The following FCRL6 variants were observed in gnomAD, a reference collection of about 807,000 sequenced individuals.
The protein encoded by FCRL6 is Fc receptor-like protein 6.
In FCRL6, 50 loss-of-function variants were observed where a neutral mutation model predicts 49.1. The observed-to-expected ratio is 1.02, with a 90% CI of 0.81 to 1.29. FCRL6 has a LOEUF of 1.29. Among genes scored for constraint, FCRL6 ranks in the 50% most tolerant of loss-of-function variants. The pLI, the probability that FCRL6 is intolerant of heterozygous loss-of-function variation, is 0.00. For missense variants in FCRL6, 571 were observed against 518.5 expected, an observed-to-expected ratio of 1.10 and a Z score of -0.98; for synonymous variants, 213 against 199.6, an observed-to-expected ratio of 1.07 and a Z score of -0.57.
chr1:159,808,232 C>G lies in FCRL6; in HGVS notation c.107C>G (p.Thr36Ser). 2 of 1,614,136 alleles carry G rather than the reference C, an allele frequency of 1.2e-6. No individual in the cohort carries two copies. The highest frequency in any genetic ancestry group is 2.2e-5 in the East Asian group (1 of 44,872). The change falls in exon 3 of 10, where the codon ACT becomes AGT. Residue 36 changes from threonine (T) to serine (S), a missense_variant. Physicochemically the swap from Thr to Ser is moderately conservative, Grantham distance 58 (BLOSUM62 1). Coordinates refer to ENST00000368106, the MANE Select transcript of FCRL6 (RefSeq NM_001004310.3). Reference sequence around the variant, plus strand: ...CCTGTGTTTGAAGGAGATGCCCTGACTCTGCGATGTCAGGGATGGAAGAAT... The same window carrying G: ...CCTGTGTTTGAAGGAGATGCCCTGAGTCTGCGATGTCAGGGATGGAAGAAT... Reference protein sequence around the residue: ...PNPVFEGDALTLRCQGWKNTP... With the variant: ...PNPVFEGDALSLRCQGWKNTP...
chr1:159,807,857 C>T (rs1662798704), intron 2 of FCRL6, among the ~76,000 whole-genome samples: 1 of 139,988 alleles, frequency 7.1e-6, no homozygotes, highest in African/African-American at 2.6e-5. Flanking sequence ...CAGGAAAGTG[C>T]AATATAAAAG....
At chr1:159,807,364 G>A (rs1381423571) in intron 2 of FCRL6, among the ~76,000 whole-genome samples, 1 of 152,190 alleles carries the variant, frequency 6.6e-6, no homozygotes, top group African/African-American at 2.4e-5. Context: ...GGGAATGGGG[G>A]TGTCTGGCTT....
At chr1:159,808,740 C>A (rs555673470) in intron 3 of FCRL6, 141 of 608,736 alleles carry the variant, frequency 2.3e-4, no homozygotes, top group Middle Eastern at 2.2e-3. Context: ...CTTCGAAGGC[C>A]CCCTCTGCCT....
intron 2 of FCRL6, among the ~76,000 whole-genome samples, chr1:159,807,633 G>C (rs1218935914): frequency 6.6e-6 from 1 of 152,230 alleles, no homozygotes; most frequent in East Asian, 1.9e-4. Context: ...ACAGGAGGGA[G>C]AGAACTCAGG....
chr1:159,809,799 G>T, intron 5 of FCRL6, 116 bp downstream of exon 5: 2 of 874,144 alleles, frequency 2.3e-6, no homozygotes, highest in Non-Finnish European at 3.6e-6. Context: ...GGCAGCCACT[G>T]CATGACTGAG....
In FCRL6 at chr1:159,810,083, C is replaced by G; in HGVS notation, c.887-11C>G. 6.2e-7 allele frequency: 1 copy of G among 1,608,394 alleles called. No individual in the cohort carries two copies. Among genetic ancestry groups the G allele is most frequent in the African/African-American group, 1.3e-5 (1 of 74,706 alleles). On this transcript the variant is annotated splice_polypyrimidine_tract_variant and intron_variant, in intron 5 of 9. Coordinates refer to ENST00000368106, the MANE Select transcript of FCRL6 (RefSeq NM_001004310.3). ...CAGTGCTCATGGCCACCTTCTTCTC[C>G]CTGCTCCCAGGTTCTCAAGTCTTGT...
upstream of FCRL6, among the ~76,000 whole-genome samples, chr1:159,801,558 A>G (rs1268669290): frequency 1.3e-5 from 2 of 152,184 alleles, no homozygotes; most frequent in African/African-American, 2.4e-5. Flanking sequence ...TATGATGTCT[A>G]GCTCCTTTTG....
At chr1:159,814,182 GT>G in intron 7 of FCRL6, 38 bp from the exon 8 acceptor site, 3 of 1,580,100 alleles carry the variant, frequency 1.9e-6, no homozygotes, top group Non-Finnish European at 2.6e-6. Flanking sequence ...AGGTGGGAGA[GT>G]CAGGAGGATC....
rs150439767 is a variant in FCRL6, at chr1:159,809,496, C to A, written c.699C>A (p.Gly233=). 2 of 1,614,030 alleles carry A rather than the reference C, an allele frequency of 1.2e-6. No individual in the cohort carries two copies. The highest frequency in any genetic ancestry group is 1.7e-6 in the Non-Finnish European group (2 of 1,180,022). Residue 233 remains glycine, a synonymous_variant, in exon 5 of 10, where the codon GGC becomes GGA. Transcript: ENST00000368106. The part of the protein sequence containing the change: ...MVQLLCEAQR[G]SPPILYSFYL... ...AGCTCCTCTGTGAGGCACAGAGGGGCTCCCCTCCGATCCTGTATTCCTTCT... is the reference window on the plus strand; with the variant it reads ...AGCTCCTCTGTGAGGCACAGAGGGGATCCCCTCCGATCCTGTATTCCTTCT...
intron 6 of FCRL6, among the ~76,000 whole-genome samples, chr1:159,811,942 G>C (rs530556794): frequency 6.6e-6 from 1 of 152,336 alleles, no homozygotes; most frequent in African/African-American, 2.4e-5. Context: ...AGCAATGGCA[G>C]AGTAATGTAG....
chr1:159,814,644 GA>G (rs1663285082), intron 8 of FCRL6, among the ~76,000 whole-genome samples: 1 of 152,136 alleles, frequency 6.6e-6, no homozygotes, highest in South Asian at 2.1e-4. Context: ...TGAACAATGT[GA>G]AGGACAAAGA....
In FCRL6 at chr1:159,808,965, G is replaced by C. The variant is rs1399672723; in HGVS notation, c.324G>C (p.Leu108=). 6.2e-6 allele frequency: 10 copies of C among 1,604,392 alleles called. No homozygotes were observed. Among genetic ancestry groups the C allele is most frequent in the Middle Eastern group, 1.7e-4 (1 of 6,028 alleles). The change falls in exon 4 of 10, where the codon CTG becomes CTC. Residue 108 remains leucine, a synonymous_variant. Transcript: ENST00000368106. The part of the protein sequence containing the change: ...SETAMVQVQE[L]FPPPVLSAIP... Reference sequence around the variant, plus strand: ...CCTGGGCCTGCATCTCCCCAGAGCTGTTTCCACCTCCTGTGCTGAGTGCCA... The same window carrying C: ...CCTGGGCCTGCATCTCCCCAGAGCTCTTTCCACCTCCTGTGCTGAGTGCCA...
At chr1:159,813,679 CA>C in intron 7 of FCRL6, 125 bp downstream of exon 7, 2 of 801,596 alleles carry the variant, frequency 2.5e-6, no homozygotes, top group South Asian at 3.2e-5. Flanking sequence ...GGAAGGAAAA[CA>C]AACAGCTTCT....
chr1:159,813,712 T>A (rs528469911), intron 7 of FCRL6, among the ~76,000 whole-genome samples, 158 bp downstream of exon 7: 1 of 151,814 alleles, frequency 6.6e-6, no homozygotes, highest in Non-Finnish European at 1.5e-5. Context: ...GAAGAGGGAG[T>A]GCTGTGGAGC....
chr1:159,807,764 A>T (rs1480222884), intron 2 of FCRL6, among the ~76,000 whole-genome samples: 1 of 152,174 alleles, frequency 6.6e-6, no homozygotes, highest in African/African-American at 2.4e-5. Flanking sequence ...AAGCCAATCT[A>T]GGCTGGAGGG....
chr1:159,807,385 T>TGATACAGGCTGGGGACA (rs529155170), intron 2 of FCRL6, among the ~76,000 whole-genome samples: 4 of 152,072 alleles, frequency 2.6e-5, no homozygotes, highest in Admixed American at 6.6e-5. Flanking sequence ...ATCAAAGAGA[T>TGATACAGGCTGGGGACA]GATACAGGCT....
intron 2 of FCRL6, among the ~76,000 whole-genome samples, chr1:159,807,306 T>C (rs1012211924): frequency 4.6e-5 from 7 of 152,250 alleles, no homozygotes; most frequent in African/African-American, 1.7e-4. Context: ...TCCCTAACTG[T>C]TACTCCTCAT....
intron 1 of FCRL6, among the ~76,000 whole-genome samples, chr1:159,805,651 A>T (rs1209914631): frequency 6.6e-6 from 1 of 152,230 alleles, no homozygotes; most frequent in Non-Finnish European, 1.5e-5. Flanking sequence ...TCACTCATTT[A>T]AAAACATGAA....
chr1:159,815,138 C>A lies in FCRL6; in HGVS notation c.1148-290C>A, dbSNP rs59828254. Among the ~76,000 whole-genome samples, 1,231 of 152,270 alleles carry A rather than the reference C, an allele frequency of 8.1e-3. 9 individuals carry two copies. The highest frequency in any genetic ancestry group is 0.028 in the African/African-American group (1,149 of 41,536). On this transcript the variant is annotated intron_variant, in intron 8 of 9. Transcript: ENST00000368106. ...ATCTGCAAAAATGGGTTTGAATTGG[C>A]GTAGGGTTTCTGCTCCTTCCCATAA...
Sources: allele counts gnomAD v4.1 joint callset (sites outside exome capture counted in the v4.1 genomes callset), GRCh38; gene constraint gnomAD v4.1.1; transcripts MANE v1.5; gene names NCBI Gene and HGNC (gene_info 2026-07-23, HGNC 2026-07-21).